The following SORL1 variants were observed in gnomAD, a reference collection of about 807,000 sequenced individuals.
SORL1 encodes sortilin-related receptor.
A neutral mutation model predicts 273.7 loss-of-function variants in SORL1; 127 were observed. That is an observed-to-expected ratio of 0.46 (90% CI 0.40 to 0.54). The LOEUF (loss-of-function observed/expected upper bound fraction) is 0.54, where lower values mean the gene tolerates loss of function less well. SORL1 is among the 20% of genes least tolerant of loss of function. SORL1 has a pLI of 0.00. For missense variants in SORL1, 2,494 were observed against 2,846.1 expected, an observed-to-expected ratio of 0.88 and a Z score of 2.81; for synonymous variants, 1,031 against 1,067.4, an observed-to-expected ratio of 0.97 and a Z score of 0.66.
intron 11 of SORL1, among the ~76,000 whole-genome samples, chr11:121,528,240 AGG>A (rs1862151680): frequency 6.6e-6 from 1 of 152,178 alleles, no homozygotes. Flanking sequence ...AGACCAAGGC[AGG>A]AGGATCACTT....
intron 7 of SORL1, 37 bp from the exon 8 acceptor site, chr11:121,514,115 T>C (rs781408468): frequency 6.2e-7 from 1 of 1,601,092 alleles, no homozygotes; most frequent in African/African-American, 1.3e-5. Context: ...GGCACATTTG[T>C]TTTTTGACGT....
chr11:121,505,416 A>C (rs1186985913), intron 6 of SORL1, among the ~76,000 whole-genome samples: 2 of 151,424 alleles, frequency 1.3e-5, no homozygotes, highest in African/African-American at 4.8e-5. Flanking sequence ...TGTTTGAGTA[A>C]TTTTCTTTAT....
Position 121,613,416 on chromosome 11 carries a change from G to A in SORL1, c.5419+584G>A, listed in dbSNP as rs1319757779. 7.9e-5 allele frequency among the ~76,000 whole-genome samples: 12 copies of A among 152,310 alleles called. No homozygotes were observed. In the South Asian group the frequency reaches 1.9e-3, roughly 24 times the overall value. ...TAAGTGGCGAAAGCTGCCTGTAACT[G>A]TTGAGAATGACTTGGGAGCTTCTTC... On this transcript the variant is annotated intron_variant, in intron 40 of 47. Coordinates refer to ENST00000260197, the MANE Select transcript of SORL1 (RefSeq NM_003105.6).
chr11:121,516,793 C>G (rs1036286666), intron 8 of SORL1, among the ~76,000 whole-genome samples: 4 of 152,068 alleles, frequency 2.6e-5, no homozygotes, highest in Non-Finnish European at 4.4e-5. Flanking sequence ...GTGGCTCACG[C>G]CTGTAAACCC....
intron 11 of SORL1, among the ~76,000 whole-genome samples, chr11:121,530,949 A>C (rs972251383): frequency 3.9e-5 from 6 of 152,134 alleles, no homozygotes; most frequent in Non-Finnish European, 7.4e-5. Flanking sequence ...CCCATCAGTA[A>C]ATTTCTTATT....
intron 6 of SORL1, among the ~76,000 whole-genome samples, chr11:121,503,846 A>G (rs1861749081): frequency 6.6e-6 from 1 of 152,148 alleles, no homozygotes; most frequent in Admixed American, 6.5e-5. Flanking sequence ...CTTTTTCAAG[A>G]TTGTATTGGC....
chr11:121,613,818 A>G (rs995766971), intron 40 of SORL1, among the ~76,000 whole-genome samples: 2 of 152,232 alleles, frequency 1.3e-5, no homozygotes, highest in African/African-American at 4.8e-5. Context: ...GTGTTGCCCC[A>G]GTAGAAACTG....
chr11:121,473,850 G>A (rs1565304309), intron 2 of SORL1, among the ~76,000 whole-genome samples: 1 of 151,994 alleles, frequency 6.6e-6, no homozygotes, highest in African/African-American at 2.4e-5. Flanking sequence ...AGTTGTGATC[G>A]TGCCACTGCA....
chr11:121,499,862 A>G (rs1402853815), intron 6 of SORL1, among the ~76,000 whole-genome samples: 1 of 152,244 alleles, frequency 6.6e-6, no homozygotes, highest in African/African-American at 2.4e-5. Flanking sequence ...AGCTACAGAA[A>G]GCTGGTTTTG....
chr11:121,574,422 C>T, intron 24 of SORL1, 59 bp downstream of exon 24: 1 of 1,543,990 alleles, frequency 6.5e-7, no homozygotes, highest in Non-Finnish European at 8.9e-7. Context: ...TGTGCTCCCT[C>T]ACAGGGCTGT....
intron 12 of SORL1, among the ~76,000 whole-genome samples, chr11:121,538,745 C>T (rs1427628913): frequency 6.6e-6 from 1 of 152,080 alleles, no homozygotes; most frequent in African/African-American, 2.4e-5. Flanking sequence ...GTGGTGCCAT[C>T]TTGGCTCACT....
Position 121,520,748 on chromosome 11 carries a change from G to C in SORL1, c.1303G>C (p.Glu435Gln). 1 of 1,612,852 alleles carries C rather than the reference G, an allele frequency of 6.2e-7. No homozygotes were observed. The highest frequency in any genetic ancestry group is 8.5e-7 in the Non-Finnish European group (1 of 1,179,330). ...IATLINGSMN[E>Q]ENMRSVITFD... ...TACTCTGATTAATGGTTCTATGAAT[G>C]AGGAGAACATGAGATCGGTCATCAC... The change falls in exon 9 of 48, where the codon GAG becomes CAG. Residue 435 changes from glutamate (E) to glutamine (Q), a missense_variant. This residue lies in a region of SORL1 where 710 missense variants were observed against 882.5 expected (regional missense o/e 0.80). Transcript: ENST00000260197.
intron 23 of SORL1, among the ~76,000 whole-genome samples, chr11:121,572,940 G>A (rs997740521): frequency 3.3e-5 from 5 of 152,126 alleles, no homozygotes; most frequent in Admixed American, 1.3e-4. Flanking sequence ...TTGGCATTTC[G>A]TGCACGACAA....
chr11:121,559,669 T>A lies in SORL1; in HGVS notation c.3049+12T>A. Reference sequence around the variant, plus strand: ...GGGGAAGAACACTGGTAAGCCAGAGTCTCTTCTTTTGTCTCTGTAGAGTTG... The same window carrying A: ...GGGGAAGAACACTGGTAAGCCAGAGACTCTTCTTTTGTCTCTGTAGAGTTG... On this transcript the variant is annotated intron_variant, in intron 21 of 47. Coordinates refer to ENST00000260197, the MANE Select transcript of SORL1 (RefSeq NM_003105.6). 1 of 1,613,292 alleles carries A rather than the reference T, an allele frequency of 6.2e-7. No homozygotes were observed. Among genetic ancestry groups the A allele is most frequent in the Non-Finnish European group, 8.5e-7 (1 of 1,179,588 alleles).
At chr11:121,540,522 C>CAAAAA (rs34608652) in intron 12 of SORL1, among the ~76,000 whole-genome samples, 2 of 103,862 alleles carry the variant, frequency 1.9e-5, no homozygotes, top group African/African-American at 7.3e-5. Flanking sequence ...ACTAAAAATA[C>CAAAAA]AAAAAAAAAA....
chr11:121,503,558 G>A (rs1163565933), intron 6 of SORL1, among the ~76,000 whole-genome samples: 3 of 151,846 alleles, frequency 2.0e-5, no homozygotes, highest in Non-Finnish European at 4.4e-5. Context: ...GCATGGTCAT[G>A]GCTCACTGCA....
At chr11:121,591,839 G>C (rs1472620153) in intron 31 of SORL1, among the ~76,000 whole-genome samples, 6 of 152,118 alleles carry the variant, frequency 3.9e-5, no homozygotes, top group African/African-American at 1.2e-4. Flanking sequence ...TCTTTCCATT[G>C]CTTCCTTGTT....
intron 6 of SORL1, among the ~76,000 whole-genome samples, chr11:121,499,819 A>G (rs1861686078): frequency 6.6e-6 from 1 of 152,204 alleles, no homozygotes; most frequent in Admixed American, 6.5e-5. Flanking sequence ...ATGAATTCAA[A>G]TCAAATTGGG....
intron 11 of SORL1, among the ~76,000 whole-genome samples, chr11:121,526,323 T>A (rs532143531): frequency 3.9e-5 from 6 of 152,200 alleles, no homozygotes; most frequent in African/African-American, 7.2e-5. Context: ...CCCATTAATC[T>A]GTCTGTCTTT....
Sources: allele counts gnomAD v4.1 joint callset (sites outside exome capture counted in the v4.1 genomes callset), GRCh38; gene constraint gnomAD v4.1.1; regional missense constraint gnomAD v4.1.1; transcripts MANE v1.5; gene names NCBI Gene and HGNC (gene_info 2026-07-23, HGNC 2026-07-21).